KIF26B: variants seen among roughly 807,000 people sequenced by gnomAD.
KIF26B encodes the protein kinesin-like protein KIF26B.
In KIF26B, 63 loss-of-function variants were observed where a neutral mutation model predicts 151.2. That is an observed-to-expected ratio of 0.42 (90% CI 0.34 to 0.51). The LOEUF (loss-of-function observed/expected upper bound fraction) is 0.51. Among genes scored for constraint, KIF26B ranks in the 20% least tolerant of loss-of-function variants. The pLI, the probability that KIF26B is intolerant of heterozygous loss-of-function variation, is 0.07. For missense variants in KIF26B, 2,813 were observed against 2,913.6 expected (o/e 0.97, Z 0.79); for synonymous variants, 1,357 against 1,262.1 (o/e 1.08, Z -1.59).
chr1:245,181,163 A>G (rs941952420), intron 2 of KIF26B, among the ~76,000 whole-genome samples: 35 of 152,206 alleles, frequency 2.3e-4, no homozygotes, highest in African/African-American at 7.2e-4. Flanking sequence ...TTCCCTTGAA[A>G]TCACTTTTGT....
intron 9 of KIF26B, among the ~76,000 whole-genome samples, chr1:245,628,461 AT>A (rs973366492): frequency 6.6e-6 from 1 of 152,242 alleles, no homozygotes; most frequent in Non-Finnish European, 1.5e-5. Context: ...CTGGTTCAAC[AT>A]GCAAATCAAT....
chr1:245,336,162 GGTCCCACGCAGGGAAAGGAGA>G (rs1672229238), intron 2 of KIF26B, among the ~76,000 whole-genome samples: 2 of 147,112 alleles, frequency 1.4e-5, no homozygotes, highest in Admixed American at 6.7e-5. Context: ...AGGGAAAGAA[GGTCCCACGCAGGGAAAGGAGA>G]GTCCCACGCA....
At chr1:245,604,291 A>C (rs140745802) in intron 6 of KIF26B, among the ~76,000 whole-genome samples, 1 of 152,172 alleles carries the variant, frequency 6.6e-6, no homozygotes. Context: ...AGCCTCTGTG[A>C]ATTTCCTCCA....
intron 9 of KIF26B, among the ~76,000 whole-genome samples, chr1:245,631,176 T>A (rs1354939986): frequency 1.3e-5 from 2 of 152,218 alleles, no homozygotes; most frequent in East Asian, 3.8e-4. Flanking sequence ...ATAACAGTGG[T>A]GGAAGTGGGC....
At chr1:245,344,705 T>C (rs72761146) in intron 2 of KIF26B, among the ~76,000 whole-genome samples, 13,372 of 151,708 alleles carry the variant, frequency 0.088, 985 homozygotes, top group African/African-American at 0.2. Flanking sequence ...CCAGGCAGCC[T>C]TAGGTTCTGC....
intron 5 of KIF26B, among the ~76,000 whole-genome samples, chr1:245,552,172 G>T (rs1042669455): frequency 2.9e-4 from 32 of 109,566 alleles, no homozygotes; most frequent in African/African-American, 7.5e-4. Flanking sequence ...TGTGTGTGTG[G>T]AGTGGGGGTG....
rs984963015 is a variant in KIF26B at position 245,352,139 on chromosome 1, T to G, written c.466-14695T>G. 1.7e-4 allele frequency among the ~76,000 whole-genome samples: 23 copies of G among 136,744 alleles called. No homozygotes were observed. The highest frequency in any genetic ancestry group is 6.7e-4 in the African/African-American group (22 of 32,984). The allele number at this position is 136,744 out of a possible 152,430, so 89.7% of individuals were successfully genotyped here. ...GGGAAGGTCCAAGTCCCACCCATAC[T>G]GTGTTTCTCAAATATTCTCAAATTG... is the stretch of plus-strand genomic sequence containing the variant. On this transcript the variant is annotated intron_variant, in intron 2 of 14. Coordinates refer to ENST00000407071, the MANE Select transcript of KIF26B (RefSeq NM_018012.4). This position sits in a 1 kb window ranked among gnomAD's most constrained non-coding sequence, Gnocchi z 5.0.
chr1:245,280,530 C>CAAAAAAAAAAAAAAAAA (rs1170207967), intron 2 of KIF26B, among the ~76,000 whole-genome samples: 2 of 79,636 alleles, frequency 2.5e-5, no homozygotes, highest in Admixed American at 1.6e-4. Context: ...GACTCTGTCT[C>CAAAAAAAAAAAAAAAAA]AAAAAAAAAA....
At chr1:245,502,038 A>G (rs1315843560) in intron 4 of KIF26B, among the ~76,000 whole-genome samples, 1 of 152,232 alleles carries the variant, frequency 6.6e-6, no homozygotes, top group Non-Finnish European at 1.5e-5. Flanking sequence ...GACCTGTAGT[A>G]TAGGTGGACA....
At chr1:245,603,116 C>T (rs2043414621) in intron 6 of KIF26B, among the ~76,000 whole-genome samples, 1 of 150,250 alleles carries the variant, frequency 6.7e-6, no homozygotes, top group Non-Finnish European at 1.5e-5. Flanking sequence ...CTAGTAGGAC[C>T]CTACTCCTGC....
At chr1:245,609,636 G>A (rs979194476) in intron 8 of KIF26B, 108 bp downstream of exon 8, 16 of 1,223,044 alleles carry the variant, frequency 1.3e-5, no homozygotes, top group African/African-American at 6.1e-5. Flanking sequence ...AGAGGCTTAC[G>A]GGTGTTTACT....
chr1:245,300,128 T>G lies in KIF26B; in HGVS notation c.466-66706T>G, dbSNP rs182610147. ...GGATAAGTTTATCTTATCATCTTTCTATTTCTAGTACTTGGCCCAGATCGT... is the reference window on the plus strand; with the variant it reads ...GGATAAGTTTATCTTATCATCTTTCGATTTCTAGTACTTGGCCCAGATCGT... On this transcript the variant is annotated intron_variant, in intron 2 of 14. Transcript: ENST00000407071. Among the ~76,000 whole-genome samples the G allele has an allele frequency of 4.6e-5, 7 of 152,374 alleles. No homozygotes were observed. The East Asian group carries it at 1.3e-3, about 29-fold the overall frequency.
chr1:245,248,548 G>T (rs1469210307), intron 2 of KIF26B, among the ~76,000 whole-genome samples: 2 of 152,212 alleles, frequency 1.3e-5, no homozygotes, highest in East Asian at 3.8e-4. Flanking sequence ...ACACTCTCTT[G>T]CTTTTGCATG....
chr1:245,568,184 C>CAAAAAAA (rs61494632), intron 5 of KIF26B, among the ~76,000 whole-genome samples: 16 of 28,704 alleles, frequency 5.6e-4, no homozygotes, highest in African/African-American at 1.6e-3. Context: ...AACTCCATCT[C>CAAAAAAA]AAAAAAAAAA....
intron 4 of KIF26B, among the ~76,000 whole-genome samples, chr1:245,523,305 T>C (rs1230995970): frequency 6.6e-6 from 1 of 152,212 alleles, no homozygotes; most frequent in Non-Finnish European, 1.5e-5. Context: ...ACACAATTCT[T>C]TTCTCCAATC....
At chr1:245,395,935 C>CA (rs1456355518) in intron 3 of KIF26B, among the ~76,000 whole-genome samples, 1 of 152,132 alleles carries the variant, frequency 6.6e-6, no homozygotes, top group Non-Finnish European at 1.5e-5. Context: ...ATCTGTAGAA[C>CA]AGGGGGGGAA....
intron 12 of KIF26B, among the ~76,000 whole-genome samples, chr1:245,696,274 G>A (rs551395395): frequency 2.6e-5 from 4 of 152,340 alleles, no homozygotes; most frequent in African/African-American, 7.2e-5. Flanking sequence ...GATGCCAGCT[G>A]CCATGTCATA....
chr1:245,472,797 G>A (rs1476685283), intron 4 of KIF26B, among the ~76,000 whole-genome samples: 1 of 152,188 alleles, frequency 6.6e-6, no homozygotes, highest in Non-Finnish European at 1.5e-5. Flanking sequence ...CTTGGGCTGG[G>A]TCAGGAGGGT....
intron 2 of KIF26B, among the ~76,000 whole-genome samples, chr1:245,243,463 C>T (rs530626356): frequency 0.034 from 5,093 of 150,628 alleles, 111 homozygotes; most frequent in Non-Finnish European, 0.042. Flanking sequence ...CACACACACA[C>T]ACACACACAT....
Sources: gnomAD v4.1 joint callset for allele counts (sites outside exome capture counted in the v4.1 genomes callset) on GRCh38, gnomAD v4.1.1 for gene constraint, Gnocchi (gnomAD v3.1) non-coding constraint, MANE v1.5 for transcripts, NCBI Gene and HGNC (gene_info 2026-07-23, HGNC 2026-07-21) for gene names.